The following ATP13A3 variants were observed in gnomAD, a reference collection of about 807,000 sequenced individuals.
The protein encoded by ATP13A3 is ATPase 13A3.
ATP13A3 carries 59 observed loss-of-function variants against 158.1 expected under a neutral mutation model. The observed-to-expected ratio is 0.37, with a 90% CI of 0.30 to 0.46. The LOEUF (loss-of-function observed/expected upper bound fraction) is 0.46, where lower values mean the gene tolerates loss of function less well. ATP13A3 is among the 20% of genes least tolerant of loss of function. The pLI is 1.00. For missense variants in ATP13A3, 1,166 were observed against 1,525.2 expected (o/e 0.76, Z 3.92); for synonymous variants, 491 against 504.3 (o/e 0.97, Z 0.35).
At chr3:194,457,301 C>T (rs527709852) in intron 6 of ATP13A3, 127 bp from the exon 7 acceptor site, 37 of 619,274 alleles carry the variant, frequency 6.0e-5, no homozygotes, top group Middle Eastern at 4.3e-4. Flanking sequence ...AAACCCTTAA[C>T]AAAAATTGAG....
chr3:194,429,747 G>C lies in ATP13A3; in HGVS notation c.2805C>G (p.Ser935=). ...ATGCCATGAATTTAAACACACAGAA[G>C]GAAGTTATTAAAGCAGCACGGCCTT... ...IREGRAALIT[S]FCVFKFMALY... The change falls in exon 27 of 34, where the codon TCC becomes TCG. Residue 935 remains serine (S), a synonymous_variant. Coordinates refer to ENST00000645319, the MANE Select transcript of ATP13A3 (RefSeq NM_001367549.1). 1.2e-6 allele frequency: 2 copies of C among 1,613,906 alleles called. No homozygotes were observed. Among genetic ancestry groups the C allele is most frequent in the Non-Finnish European group, 1.7e-6 (2 of 1,179,902 alleles).
At chr3:194,410,183 A>C (rs1219397781) in intron 33 of ATP13A3, among the ~76,000 whole-genome samples, 4 of 150,628 alleles carry the variant, frequency 2.7e-5, no homozygotes, top group African/African-American at 9.8e-5. Context: ...GGGCAGGCCA[A>C]GCGTGGTGGC....
chr3:194,443,265 G>A (rs1718174333), intron 15 of ATP13A3, among the ~76,000 whole-genome samples: 1 of 152,140 alleles, frequency 6.6e-6, no homozygotes. Flanking sequence ...TTGTTTTGGG[G>A]GGCAGGGGAG....
rs547849046 is a variant in ATP13A3 at position 194,432,266 on chromosome 3, T to C, written c.2246-374A>G. 5.3e-4 allele frequency among the ~76,000 whole-genome samples: 81 copies of C among 152,300 alleles called. 1 individual carries two copies. In the South Asian group the frequency reaches 0.016, roughly 30 times the overall value. ...ACTTTACAAAGTGACTAGTGGTCTG[T>C]GCAAGAACACCAGCACCATATCATA... On this transcript the variant is annotated intron_variant, in intron 21 of 33. Coordinates refer to ENST00000645319, the MANE Select transcript of ATP13A3 (RefSeq NM_001367549.1).
intron 20 of ATP13A3, among the ~76,000 whole-genome samples, chr3:194,436,661 G>A (rs1717656587): frequency 6.6e-6 from 1 of 152,254 alleles, no homozygotes; most frequent in African/African-American, 2.4e-5. Flanking sequence ...AGGCCAGCCT[G>A]GCCAACATGG....
rs1719277273 is a variant in ATP13A3 at position 194,457,014 on chromosome 3, T to C, written c.560+80A>G. 3 of 972,824 alleles carry C rather than the reference T, an allele frequency of 3.1e-6. No homozygotes were observed. In the Admixed American group the frequency reaches 6.5e-5, roughly 21 times the overall value. 60.3% of individuals were successfully genotyped at this position (972,824 alleles called of 1,614,324 possible). ...TTAAGTATCTGTTAATATGTACAAC[T>C]ATATGGTAAAGGGTTGATTATGTAT... On this transcript the variant is annotated intron_variant, in intron 7 of 33. Transcript: ENST00000645319.
At chr3:194,489,376 GA>G (rs1721119374), upstream of ATP13A3, among the ~76,000 whole-genome samples, 1 of 152,202 alleles carries the variant, frequency 6.6e-6, no homozygotes, top group African/African-American at 2.4e-5. This position sits in a 1 kb window ranked among gnomAD's most constrained non-coding sequence, Gnocchi z 4.1. Flanking sequence ...CTGGGAGATG[GA>G]GGTTGCAGTG....
In ATP13A3 at chr3:194,425,754, A is replaced by G. The variant is rs556339215; in HGVS notation, c.3126-225T>C. 3.9e-5 allele frequency among the ~76,000 whole-genome samples: 6 copies of G among 152,324 alleles called. No homozygotes were observed. In the South Asian group the frequency reaches 1.2e-3, roughly 32 times the overall value. On this transcript the variant is annotated intron_variant, in intron 29 of 33. Transcript: ENST00000645319. ...CTCAACCACTTAAAAAATTAGAATC[A>G]AGTAGGAAATATTTAATAAGCCCCC...
Position 194,448,609 on chromosome 3 carries a change from T to A in ATP13A3, c.998A>T (p.Asn333Ile). Residue 333 changes from asparagine to isoleucine, a missense_variant, in exon 12 of 34, where the codon AAT becomes ATT. Physicochemically the swap from Asn to Ile is moderately radical, Grantham distance 149. Around this residue, in one of 3 missense-constraint regions of ATP13A3, gnomAD observed 997 missense variants for 1,341.2 expected, o/e 0.74. Coordinates refer to ENST00000645319, the MANE Select transcript of ATP13A3 (RefSeq NM_001367549.1). This position sits in a 1 kb window ranked among gnomAD's most constrained non-coding sequence, Gnocchi z 4.0. ...TGESVPVTKTNLPNPSVDVKG... is the reference protein window; with the variant it reads ...TGESVPVTKTILPNPSVDVKG... ...CACATCCACTGAAGGATTTGGCAAA[T>A]TAGTCTTTGTCACTGGAACACTTTC... The A allele has an allele frequency of 1.9e-6, 3 of 1,613,002 alleles. No homozygotes were observed. The highest frequency in any genetic ancestry group is 1.7e-6 in the Non-Finnish European group (2 of 1,179,652).
intron 28 of ATP13A3, among the ~76,000 whole-genome samples, chr3:194,428,206 G>A (rs1716950137): frequency 1.6e-5 from 2 of 128,566 alleles, no homozygotes; most frequent in African/African-American, 3.3e-5. Flanking sequence ...GGGTGACAGA[G>A]ACAGACTCTG....
chr3:194,449,327 T>C (rs1445342335), intron 11 of ATP13A3, among the ~76,000 whole-genome samples: 2 of 151,870 alleles, frequency 1.3e-5, no homozygotes, highest in South Asian at 2.1e-4. Flanking sequence ...ATGTATTACA[T>C]ATAAATCATT....
chr3:194,427,362 T>G lies in ATP13A3; in HGVS notation c.2948-110A>C, dbSNP rs1577042902. On this transcript the variant is annotated intron_variant, in intron 28 of 33. Coordinates refer to ENST00000645319, the MANE Select transcript of ATP13A3 (RefSeq NM_001367549.1). ...TTAAAAATTTGTTTTTGCCTAACAA[T>G]TCTTTAATACAAAAAATCTTCAAAA... 10 of 950,900 alleles carry G rather than the reference T, an allele frequency of 1.1e-5. No individual in the cohort carries two copies. In the Middle Eastern group the frequency reaches 2.1e-3, roughly 199 times the overall value. 58.9% of individuals were successfully genotyped at this position (950,900 alleles called of 1,614,324 possible).
At chr3:194,453,822 A>C in intron 9 of ATP13A3, 44 bp from the exon 10 acceptor site, 1 of 1,479,706 alleles carries the variant, frequency 6.8e-7, no homozygotes, top group African/African-American at 1.4e-5. Context: ...ATATGAACCC[A>C]CTCCTCAGGA....
chr3:194,419,589 G>A (rs1384720049), intron 31 of ATP13A3, among the ~76,000 whole-genome samples: 3 of 152,126 alleles, frequency 2.0e-5, no homozygotes, highest in Non-Finnish European at 4.4e-5. Context: ...GAAGTAGACT[G>A]GTAGAGAAGA....
chr3:194,484,608 G>A (rs552445848), intron 2 of ATP13A3, among the ~76,000 whole-genome samples: 1 of 152,180 alleles, frequency 6.6e-6, no homozygotes, highest in Non-Finnish European at 1.5e-5. Context: ...CAGTGATGTT[G>A]GAAATAAGAA....
Position 194,403,479 on chromosome 3 carries a change from AT to A in ATP13A3, c.*2439del, listed in dbSNP as rs1359902437. 6.6e-6 allele frequency: 1 copy of A among 152,202 alleles called. No individual in the cohort carries two copies. Among genetic ancestry groups the A allele is most frequent in the Non-Finnish European group, 1.5e-5 (1 of 68,014 alleles). The allele number at this position is 152,202 out of a possible 1,614,324, so 9.4% of individuals were successfully genotyped here. ...GGAGACACACATTAAAAATCTTGTT[AT>A]TTATTTAAAAAGTTAAAAAGTTACA... On this transcript the variant is annotated 3_prime_UTR_variant, in exon 34 of 34. Coordinates refer to ENST00000645319, the MANE Select transcript of ATP13A3 (RefSeq NM_001367549.1).
intron 14 of ATP13A3, among the ~76,000 whole-genome samples, chr3:194,446,499 C>T (rs9870934): frequency 0.11 from 16,212 of 152,156 alleles, 1,451 homozygotes; most frequent in African/African-American, 0.24. Flanking sequence ...ACCCAGGAGC[C>T]TGAAATAAAA....
chr3:194,479,210 C>T (rs1001474737), intron 2 of ATP13A3, among the ~76,000 whole-genome samples: 1 of 152,148 alleles, frequency 6.6e-6, no homozygotes, highest in Non-Finnish European at 1.5e-5. Flanking sequence ...AATTATTCTT[C>T]AACTAACTCT....
intron 2 of ATP13A3, among the ~76,000 whole-genome samples, chr3:194,464,239 A>G (rs950058128): frequency 2.0e-5 from 3 of 152,224 alleles, no homozygotes; most frequent in Admixed American, 2.0e-4. Context: ...TTCTTATCAA[A>G]TATGTGAATA....
Sources: gnomAD v4.1 joint callset for allele counts (sites outside exome capture counted in the v4.1 genomes callset) on GRCh38, gnomAD v4.1.1 for gene constraint, gnomAD v4.1.1 regional missense constraint, Gnocchi (gnomAD v3.1) non-coding constraint, MANE v1.5 for transcripts, NCBI Gene and HGNC (gene_info 2026-07-23, HGNC 2026-07-21) for gene names.